The following LRRC37A2 variants were observed in gnomAD, a reference collection of about 807,000 sequenced individuals.
The protein encoded by LRRC37A2 is leucine-rich repeat-containing protein 37A2.
LRRC37A2 carries 9 observed loss-of-function variants against 68.8 expected under a neutral mutation model. That is an observed-to-expected ratio of 0.13 (90% confidence interval 0.08 to 0.23). The LOEUF is 0.23. LRRC37A2 is among the 10% of genes least tolerant of loss of function. The pLI is 1.00. For synonymous variants in LRRC37A2, 63 were observed against 367.6 expected, an observed-to-expected ratio of 0.17 and a Z score of 9.48; for missense variants, 168 against 950.4, an observed-to-expected ratio of 0.18 and a Z score of 10.82.
At chr17:46,824,302 G>A in the LRRC37A2 span, among the ~76,000 whole-genome samples, 1 of 152,208 alleles carries the variant, frequency 6.6e-6, no homozygotes, top group East Asian at 1.9e-4. Context: ...AGGCTGGCAT[G>A]CAGTGGTGTG....
the LRRC37A2 span, among the ~76,000 whole-genome samples, chr17:46,486,276 G>A: frequency 9.7e-6 from 1 of 103,134 alleles, no homozygotes; most frequent in Non-Finnish European, 2.2e-5. Context: ...CTTAGCGTAT[G>A]GTCCTCAAGG....
At chr17:46,978,841 G>T in the LRRC37A2 span, 1 of 1,600,430 alleles carries the variant, frequency 6.2e-7, no homozygotes, top group Non-Finnish European at 8.5e-7. Flanking sequence ...CTCGTCGGGC[G>T]CCAGCCCCGC....
At chr17:46,974,602 C>T in the LRRC37A2 span, among the ~76,000 whole-genome samples, 24 of 152,144 alleles carry the variant, frequency 1.6e-4, no homozygotes, top group African/African-American at 5.5e-4. Flanking sequence ...GGCGTGGTGG[C>T]GGGCGCCTGT....
the LRRC37A2 span, among the ~76,000 whole-genome samples, chr17:47,036,309 C>T: frequency 6.6e-6 from 1 of 151,974 alleles, no homozygotes; most frequent in East Asian, 1.9e-4. Flanking sequence ...ACATTCTTGT[C>T]ACCATGTCAG....
chr17:46,939,068 T>TG, the LRRC37A2 span: 1 of 1,084,158 alleles, frequency 9.2e-7, no homozygotes, highest in Non-Finnish European at 1.2e-6. Flanking sequence ...ACATAGCTGA[T>TG]GCGTGCCCTG....
chr17:46,760,306 A>G, the LRRC37A2 span, among the ~76,000 whole-genome samples: 2 of 152,102 alleles, frequency 1.3e-5, no homozygotes, highest in Non-Finnish European at 2.9e-5. Flanking sequence ...TAGTATGAAT[A>G]GGGACCATTT....
chr17:46,489,159 A>G, the LRRC37A2 span, among the ~76,000 whole-genome samples: 1 of 85,328 alleles, frequency 1.2e-5, no homozygotes, highest in Non-Finnish European at 2.5e-5. Context: ...TTTTTTTGAG[A>G]TGGAGTCTCA....
the LRRC37A2 span, among the ~76,000 whole-genome samples, chr17:46,837,923 G>A: frequency 3.8e-4 from 58 of 152,262 alleles, no homozygotes; most frequent in Non-Finnish European, 1.2e-4. Flanking sequence ...GAGGAGGAGG[G>A]ACCTCTTTCT....
the LRRC37A2 span, among the ~76,000 whole-genome samples, chr17:46,925,804 T>C: frequency 0.017 from 2,541 of 152,328 alleles, 27 homozygotes; most frequent in Non-Finnish European, 0.027. Flanking sequence ...GATTGACATA[T>C]TAAAGTTACT....
chr17:46,885,798 G>A, the LRRC37A2 span: 1 of 152,216 alleles, frequency 6.6e-6, no homozygotes, highest in Non-Finnish European at 1.5e-5. Flanking sequence ...ATCCCTCCCT[G>A]ACACACGGCC....
the LRRC37A2 span, among the ~76,000 whole-genome samples, chr17:46,928,730 C>G: frequency 6.6e-6 from 1 of 152,202 alleles, no homozygotes; most frequent in African/African-American, 2.4e-5. Flanking sequence ...GTCACTTCAG[C>G]ATCCTCTCCC....
At chr17:46,923,195 G>A in the LRRC37A2 span, 2 of 1,546,518 alleles carry the variant, frequency 1.3e-6, no homozygotes, top group Admixed American at 2.0e-5. Flanking sequence ...CCGGCGACAT[G>A]GATCCCCTGT....
At chr17:46,920,771 T>C in the LRRC37A2 span, among the ~76,000 whole-genome samples, 371 of 152,308 alleles carry the variant, frequency 2.4e-3, 2 homozygotes, top group Middle Eastern at 0.037. Flanking sequence ...TAGAAAGCCA[T>C]TGGTTTGGAC....
the LRRC37A2 span, among the ~76,000 whole-genome samples, chr17:46,676,511 C>T: frequency 6.8e-6 from 1 of 146,914 alleles, no homozygotes; most frequent in Non-Finnish European, 1.5e-5. Context: ...AGATTATAGG[C>T]GTGACCCACC....
chr17:46,733,997 GA>G, the LRRC37A2 span, among the ~76,000 whole-genome samples: 169 of 152,302 alleles, frequency 1.1e-3, no homozygotes, highest in Non-Finnish European at 2.0e-3. Flanking sequence ...TCAGGATGGG[GA>G]CTTGGGTAGA....
the LRRC37A2 span, chr17:46,721,466 T>C: frequency 1.5e-6 from 1 of 681,328 alleles, no homozygotes; most frequent in Non-Finnish European, 2.6e-6. Context: ...AGACCCTATA[T>C]ATGTATGTTG....
the LRRC37A2 span, among the ~76,000 whole-genome samples, chr17:46,662,869 ATTCT>A: frequency 7.2e-6 from 1 of 138,346 alleles, no homozygotes; most frequent in African/African-American, 2.6e-5. Context: ...AGAACTATTT[ATTCT>A]TTATTTAAAA....
the LRRC37A2 span, among the ~76,000 whole-genome samples, chr17:46,828,117 C>T: frequency 4.6e-5 from 7 of 152,128 alleles, no homozygotes; most frequent in Non-Finnish European, 7.3e-5. Context: ...TATGAGCCAC[C>T]GGGCCTGGCC....
the LRRC37A2 span, chr17:46,930,337 C>A: frequency 6.6e-6 from 1 of 152,314 alleles, no homozygotes; most frequent in Non-Finnish European, 1.5e-5. Flanking sequence ...TGGATGCTTT[C>A]TTTTGTGCAC....
Sources: allele counts gnomAD v4.1 joint callset (sites outside exome capture counted in the v4.1 genomes callset), GRCh38; gene constraint gnomAD v4.1.1; transcripts MANE v1.5; gene names NCBI Gene and HGNC (gene_info 2026-07-23, HGNC 2026-07-21).